The following MAGI2 variants were observed in gnomAD, a reference collection of about 807,000 sequenced individuals.
The protein encoded by MAGI2 is membrane-associated guanylate kinase, WW and PDZ domain-containing protein 2.
MAGI2 carries 35 observed loss-of-function variants against 133.3 expected under a neutral mutation model. The observed-to-expected ratio is 0.26, with a 90% CI of 0.20 to 0.35. The LOEUF (loss-of-function observed/expected upper bound fraction) is 0.35. Among genes scored for constraint, MAGI2 ranks in the 10% least tolerant of loss-of-function variants. The pLI is 1.00. For missense variants in MAGI2, 1,636 were observed against 1,863.4 expected, an observed-to-expected ratio of 0.88 and a Z score of 2.25; for synonymous variants, 729 against 710.6, an observed-to-expected ratio of 1.03 and a Z score of -0.41.
At chr7:79,235,055 G>A (rs1288005387) in intron 1 of MAGI2, among the ~76,000 whole-genome samples, 1 of 151,696 alleles carries the variant, frequency 6.6e-6, no homozygotes, top group African/African-American at 2.4e-5. Context: ...ACCCTGCCGT[G>A]TGAGGTGTCA....
intron 10 of MAGI2, chr7:78,252,374 T>A (rs1360094351): frequency 6.6e-6 from 1 of 151,820 alleles, no homozygotes; most frequent in Non-Finnish European, 1.5e-5. Flanking sequence ...TCCACATTTA[T>A]GCTAATTCAT....
chr7:78,201,577 G>A (rs1323627441), intron 10 of MAGI2, among the ~76,000 whole-genome samples: 3 of 152,178 alleles, frequency 2.0e-5, no homozygotes, highest in Non-Finnish European at 2.9e-5. Flanking sequence ...AAATATCTTT[G>A]CTTGGTATAA....
intron 21 of MAGI2, among the ~76,000 whole-genome samples, chr7:78,042,537 T>C (rs1810967915): frequency 1.3e-5 from 2 of 152,198 alleles, no homozygotes; most frequent in South Asian, 4.1e-4. Flanking sequence ...GCCCAGCTTC[T>C]AGTCCTTGAT....
intron 2 of MAGI2, among the ~76,000 whole-genome samples, chr7:78,857,734 C>T (rs763039907): frequency 9.9e-5 from 15 of 152,126 alleles, no homozygotes; most frequent in Non-Finnish European, 1.9e-4. Flanking sequence ...TGTGTCTCTG[C>T]CAGGCTTTGG....
chr7:79,171,120 C>T (rs1825499007), intron 1 of MAGI2, among the ~76,000 whole-genome samples: 1 of 152,068 alleles, frequency 6.6e-6, no homozygotes, highest in South Asian at 2.1e-4. Context: ...AACTGGGTGG[C>T]TTGGAACTGC....
At chr7:79,018,798 G>T (rs1372105245) in intron 1 of MAGI2, among the ~76,000 whole-genome samples, 1 of 151,992 alleles carries the variant, frequency 6.6e-6, no homozygotes, top group African/African-American at 2.4e-5. Context: ...TCAAAGAAGG[G>T]CATTACATAA....
chr7:78,851,861 T>C (rs983309632), intron 2 of MAGI2, among the ~76,000 whole-genome samples: 1 of 152,164 alleles, frequency 6.6e-6, no homozygotes. Context: ...TCCTTGCCCA[T>C]GCTTGATGGT....
In MAGI2 at chr7:78,949,908, C is replaced by T. The variant is rs578138739; in HGVS notation, c.418+57182G>A. 2.6e-5 allele frequency among the ~76,000 whole-genome samples: 4 copies of T among 152,236 alleles called. No homozygotes were observed. The East Asian group carries it at 7.7e-4, about 29-fold the overall frequency. On this transcript the variant is annotated intron_variant, in intron 2 of 21. Coordinates refer to ENST00000354212, the MANE Select transcript of MAGI2 (RefSeq NM_012301.4). ...CCCCTTCGGCTTCTCCTAGCCAATG[C>T]CTGAGCACATCTTGGAATATTAAAC...
chr7:78,253,651 TA>T (rs1792663555), intron 10 of MAGI2: 1 of 152,210 alleles, frequency 6.6e-6, no homozygotes. Context: ...ACAAACAATA[TA>T]TTTGCTTCTG....
At chr7:79,402,188 T>A (rs1845513907) in intron 1 of MAGI2, among the ~76,000 whole-genome samples, 1 of 152,126 alleles carries the variant, frequency 6.6e-6, no homozygotes, top group Admixed American at 6.6e-5. Context: ...AATATAATCT[T>A]AAAAATCTAA....
chr7:78,582,917 A>G (rs746467503), intron 3 of MAGI2, among the ~76,000 whole-genome samples: 3 of 152,212 alleles, frequency 2.0e-5, no homozygotes, highest in Non-Finnish European at 4.4e-5. Flanking sequence ...GCCACTTAAA[A>G]TATAGGAGCC....
chr7:78,533,108 A>AT lies in MAGI2; in HGVS notation c.539-11464dup, dbSNP rs1025684324. Among the ~76,000 whole-genome samples the AT allele has an allele frequency of 1.7e-3, 254 of 152,144 alleles. 2 individuals are homozygous for AT. The highest frequency in any genetic ancestry group is 5.8e-3 in the African/African-American group (241 of 41,516). Reference sequence around the variant, plus strand: ...AGGTGCCCACCACCACACCCGGCTAATTTTTTGTATTTTTAGTAGAGAGGA... The same window carrying AT: ...AGGTGCCCACCACCACACCCGGCTAATTTTTTTGTATTTTTAGTAGAGAGGA... On this transcript the variant is annotated intron_variant, in intron 3 of 21. Transcript: ENST00000354212.
intron 2 of MAGI2, among the ~76,000 whole-genome samples, chr7:78,641,499 T>TA (rs1305184319): frequency 6.6e-6 from 1 of 152,164 alleles, no homozygotes; most frequent in Non-Finnish European, 1.5e-5. Flanking sequence ...ATTTAACCCG[T>TA]AAGAAGTCGT....
intron 6 of MAGI2, among the ~76,000 whole-genome samples, chr7:78,418,930 A>C (rs1462417725): frequency 6.6e-6 from 1 of 152,152 alleles, no homozygotes; most frequent in Admixed American, 6.6e-5. Flanking sequence ...AAACAGCAAT[A>C]AGGTCTGAAT....
At chr7:79,364,529 T>A (rs1301482147) in intron 1 of MAGI2, among the ~76,000 whole-genome samples, 1 of 152,052 alleles carries the variant, frequency 6.6e-6, no homozygotes, top group Admixed American at 6.6e-5. Flanking sequence ...TCACTTTAGT[T>A]AATATTAAAG....
At chr7:79,242,385 A>G (rs1179125941) in intron 1 of MAGI2, among the ~76,000 whole-genome samples, 1 of 152,198 alleles carries the variant, frequency 6.6e-6, no homozygotes, top group Non-Finnish European at 1.5e-5. Context: ...GCATAAGTTA[A>G]GGTGATCAAC....
intron 1 of MAGI2, among the ~76,000 whole-genome samples, chr7:79,218,208 T>C (rs541469092): frequency 6.6e-6 from 1 of 152,130 alleles, no homozygotes; most frequent in East Asian, 1.9e-4. Context: ...GAATACTTTG[T>C]ATTCCATGAC....
chr7:79,305,470 T>C (rs1837715373), intron 1 of MAGI2, among the ~76,000 whole-genome samples: 1 of 152,192 alleles, frequency 6.6e-6, no homozygotes, highest in East Asian at 1.9e-4. Context: ...AATACCTCAT[T>C]CTTTCACAAT....
intron 1 of MAGI2, among the ~76,000 whole-genome samples, chr7:79,094,608 T>A (rs1056689246): frequency 6.6e-6 from 1 of 152,226 alleles, no homozygotes; most frequent in African/African-American, 2.4e-5. Flanking sequence ...CCTTATGAGA[T>A]GTATTTCTTA....
Sources: gnomAD v4.1 joint callset for allele counts (sites outside exome capture counted in the v4.1 genomes callset) on GRCh38, gnomAD v4.1.1 for gene constraint, MANE v1.5 for transcripts, NCBI Gene and HGNC (gene_info 2026-07-23, HGNC 2026-07-21) for gene names.